The following SLC5A9 variants were observed in gnomAD, a reference collection of about 807,000 sequenced individuals.
The protein encoded by SLC5A9 is sodium/glucose cotransporter 4.
A neutral mutation model predicts 70.9 loss-of-function variants in SLC5A9; 59 were observed. The ratio of observed to expected loss-of-function variants is 0.83; its 90% CI spans 0.68 to 1.03. The LOEUF is 1.03. Among genes scored for constraint, SLC5A9 ranks in the 50% least tolerant of loss-of-function variants. The probability of loss-of-function intolerance (pLI) is 0.00; values close to 1 mark genes in which losing one functional copy is unlikely to be tolerated. For synonymous variants in SLC5A9, 340 were observed against 346.5 expected (o/e 0.98, Z 0.21); for missense variants, 832 against 881.1 (o/e 0.94, Z 0.71).
At chr1:48,229,727 T>A (rs1321795196) in intron 4 of SLC5A9, among the ~76,000 whole-genome samples, 1 of 152,222 alleles carries the variant, frequency 6.6e-6, no homozygotes, top group Non-Finnish European at 1.5e-5. Context: ...ATTAATGGAT[T>A]CTTTGTTCAT....
intron 8 of SLC5A9, among the ~76,000 whole-genome samples, chr1:48,233,360 C>CAAAAAAAA (rs1157245912): frequency 3.4e-5 from 2 of 58,714 alleles, no homozygotes; most frequent in Non-Finnish European, 5.7e-5. Context: ...GACTCCATCT[C>CAAAAAAAA]AAAAAAAAAA....
intron 10 of SLC5A9, among the ~76,000 whole-genome samples, chr1:48,236,373 G>A (rs1052013581): frequency 1.3e-5 from 2 of 152,176 alleles, no homozygotes; most frequent in African/African-American, 4.8e-5. Context: ...ATTAAGGAAG[G>A]TAGAAACACA....
chr1:48,238,217 G>A (rs1644353465), intron 11 of SLC5A9, among the ~76,000 whole-genome samples: 1 of 152,180 alleles, frequency 6.6e-6, no homozygotes, highest in South Asian at 2.1e-4. Flanking sequence ...TGACATCTGA[G>A]CTGAGGCCTG....
intron 5 of SLC5A9, among the ~76,000 whole-genome samples, 178 bp downstream of exon 5, chr1:48,230,883 A>G (rs2148571419): frequency 6.6e-6 from 1 of 152,326 alleles, no homozygotes; most frequent in Non-Finnish European, 1.5e-5. Flanking sequence ...AGAAGAGAAG[A>G]ACACAGGGGA....
intron 7 of SLC5A9, 63 bp downstream of exon 7, chr1:48,232,214 C>T: frequency 6.4e-7 from 1 of 1,570,254 alleles, no homozygotes; most frequent in Non-Finnish European, 8.7e-7. Flanking sequence ...TGCAGAAAAA[C>T]CCAGTGCCTG....
At chr1:48,224,873 C>G in intron 2 of SLC5A9, 78 bp downstream of exon 2, 1 of 1,351,912 alleles carries the variant, frequency 7.4e-7, no homozygotes, top group Non-Finnish European at 1.1e-6. Flanking sequence ...GCACTTGTCC[C>G]ATCTTCTCAC....
At chr1:48,223,120 G>A (rs1644095849) in intron 1 of SLC5A9, among the ~76,000 whole-genome samples, 1 of 152,088 alleles carries the variant, frequency 6.6e-6, no homozygotes, top group African/African-American at 2.4e-5. Flanking sequence ...GTCAGAGGCA[G>A]ACCAGGCCCC....
At chr1:48,244,880 A>G (rs112810033) in intron 13 of SLC5A9, among the ~76,000 whole-genome samples, 778 of 37,172 alleles carry the variant, frequency 0.021, 34 homozygotes, top group East Asian at 0.036. Flanking sequence ...GTGTATGTGT[A>G]TATATATATA....
In SLC5A9 at chr1:48,235,801, G is replaced by T. The variant is rs188924026; in HGVS notation, c.1214G>T (p.Ser405Ile). 2.1e-5 allele frequency: 34 copies of T among 1,614,210 alleles called. No individual in the cohort carries two copies. The Admixed American group carries it at 4.2e-4, about 20-fold the overall frequency. Residue 405 changes from serine to isoleucine, a missense_variant, in exon 10 of 14, where the codon AGC becomes ATC. Physicochemically the swap from Ser to Ile is moderately radical, Grantham distance 142. Coordinates refer to ENST00000438567, the MANE Select transcript of SLC5A9 (RefSeq NM_001011547.3). The part of the protein sequence containing the change: ...MSSLTSIFNS[S>I]STLFTIDVWQ... Reference sequence around the variant, plus strand: ...TCACTCACCTCCATCTTCAACAGCAGCAGCACCCTGTTCACCATTGATGTG... The same window carrying T: ...TCACTCACCTCCATCTTCAACAGCATCAGCACCCTGTTCACCATTGATGTG...
At chr1:48,230,800 T>A in intron 5 of SLC5A9, 95 bp downstream of exon 5, 1 of 914,544 alleles carries the variant, frequency 1.1e-6, no homozygotes, top group Non-Finnish European at 1.7e-6. Context: ...AGAGACAGAG[T>A]GACAGAAAGC....
chr1:48,230,478 C>T, intron 4 of SLC5A9, 122 bp from the exon 5 acceptor site: 1 of 680,582 alleles, frequency 1.5e-6, no homozygotes, highest in Non-Finnish European at 2.7e-6. Context: ...ACTTAAAGCT[C>T]ATTTTCATCA....
intron 12 of SLC5A9, 149 bp from the exon 13 acceptor site, chr1:48,242,308 T>G: frequency 7.0e-6 from 6 of 853,574 alleles, no homozygotes; most frequent in Non-Finnish European, 1.1e-5. Flanking sequence ...AAGTCAGGGC[T>G]GAGATCCGGG....
chr1:48,233,063 AAAAAG>A (rs1262341286), intron 8 of SLC5A9, among the ~76,000 whole-genome samples: 5 of 151,942 alleles, frequency 3.3e-5, no homozygotes, highest in South Asian at 4.2e-4. Flanking sequence ...AAAGAAAAGA[AAAAAG>A]AAAAGAAAAG....
In SLC5A9 at chr1:48,237,465, A is replaced by G. The variant is rs186613612; in HGVS notation, c.1293-214A>G. On this transcript the variant is annotated intron_variant, in intron 10 of 13. Transcript: ENST00000438567. ...TAAGTGCCACGGAGGCATTAGAATT[A>G]TAAGGTTCTTCAGTTCCAAAATTCC... is the stretch of plus-strand genomic sequence containing the variant. 2.0e-3 allele frequency among the ~76,000 whole-genome samples: 299 copies of G among 152,258 alleles called. 1 individual carries two copies. Among genetic ancestry groups the G allele is most frequent in the Non-Finnish European group, 2.1e-3 (140 of 68,010 alleles).
chr1:48,227,210 AT>A (rs1483997921), intron 2 of SLC5A9, among the ~76,000 whole-genome samples: 3 of 101,248 alleles, frequency 3.0e-5, no homozygotes, highest in East Asian at 4.4e-4. Flanking sequence ...GTGTGAGTGC[AT>A]GTGTGTGTGC....
rs1553132276 is a variant in SLC5A9 at position 48,245,077 on chromosome 1, T to TTTTATA, written c.1838-2257_1838-2256insTTATAT. Among the ~76,000 whole-genome samples, 790 of 140,472 alleles carry TTTTATA rather than the reference T, an allele frequency of 5.6e-3. 18 individuals carry two copies. Among genetic ancestry groups the TTTTATA allele is most frequent in the South Asian group, 0.052 (228 of 4,418 alleles). 92.2% of individuals were successfully genotyped at this position (140,472 alleles called of 152,430 possible). A position where few individuals can be genotyped will look rare whatever the true frequency, so the allele number is the denominator to read the frequency against. ...AAGTCTCTTCCTTTTCCTGAGACTT[T>TTTTATA]TATATATATATATATATATAAAACT... On this transcript the variant is annotated intron_variant, in intron 13 of 13. Coordinates refer to ENST00000438567, the MANE Select transcript of SLC5A9 (RefSeq NM_001011547.3).
chr1:48,240,027 T>C (rs553874967), intron 12 of SLC5A9, among the ~76,000 whole-genome samples: 1 of 152,202 alleles, frequency 6.6e-6, no homozygotes, highest in African/African-American at 2.4e-5. Context: ...GAGAGCTTAC[T>C]AGGTGAAGAA....
rs1644365256 is a variant in SLC5A9, at chr1:48,239,282, C to T, written c.1462-40C>T. The T allele has an allele frequency of 6.7e-7, 1 of 1,485,572 alleles. No individual in the cohort carries two copies. The highest frequency in any genetic ancestry group is 1.4e-5 in the African/African-American group (1 of 72,146). 92.0% of individuals were successfully genotyped at this position (1,485,572 alleles called of 1,614,324 possible). A position where few individuals can be genotyped will look rare whatever the true frequency, so the allele number is the denominator to read the frequency against. Reference sequence around the variant, plus strand: ...AGTTTTACCTTCCTAGGGTCTCCCACCTGGATCTCACCTCAGCTCTTGTCT... The same window carrying T: ...AGTTTTACCTTCCTAGGGTCTCCCATCTGGATCTCACCTCAGCTCTTGTCT... On this transcript the variant is annotated intron_variant, in intron 11 of 13. Transcript: ENST00000438567. This position sits in a 1 kb window ranked among gnomAD's most constrained non-coding sequence, Gnocchi z 4.2.
rs777949734 is a variant in SLC5A9 at position 48,233,711 on chromosome 1, G to A, written c.1090G>A (p.Gly364Arg). The A allele has an allele frequency of 6.2e-7, 1 of 1,613,952 alleles. No individual in the cohort carries two copies. Among genetic ancestry groups the A allele is most frequent in the African/African-American group, 1.3e-5 (1 of 74,890 alleles). The change falls in exon 9 of 14, where the codon GGA becomes AGA. Residue 364 changes from glycine (G) to arginine (R), a missense_variant. Physicochemically the swap from Gly to Arg is moderately radical, Grantham distance 125. Transcript: ENST00000438567. ...CCAAAGAATCTGTGGGGCCCGAGTG[G>A]GATGTTCCAACATTGCCTACCCTAA... ...VCQRICGARV[G>R]CSNIAYPKLV...
Sources: allele counts gnomAD v4.1 joint callset (sites outside exome capture counted in the v4.1 genomes callset), GRCh38; gene constraint gnomAD v4.1.1; non-coding constraint Gnocchi (gnomAD v3.1); transcripts MANE v1.5; gene names NCBI Gene and HGNC (gene_info 2026-07-23, HGNC 2026-07-21).